Variants in TOP2B observed in about 807,000 individuals in gnomAD.
TOP2B encodes the protein DNA topoisomerase 2-beta.
Under a neutral mutation model 193.5 loss-of-function variants are expected in TOP2B, and 51 were observed. The ratio of observed to expected loss-of-function variants is 0.26; its 90% CI spans 0.21 to 0.33. The LOEUF (loss-of-function observed/expected upper bound fraction) is 0.33. Ranked by LOEUF, TOP2B falls within the 10% of genes least tolerant of loss-of-function variation. The pLI, the probability that TOP2B is intolerant of heterozygous loss-of-function variation, is 1.00. For missense variants in TOP2B, 1,378 were observed against 1,909.3 expected, an observed-to-expected ratio of 0.72 and a Z score of 5.19; for synonymous variants, 634 against 635.7, an observed-to-expected ratio of 1.00 and a Z score of 0.04.
chr3:25,632,159 C>A (rs1440947041), intron 10 of TOP2B, among the ~76,000 whole-genome samples: 1 of 151,990 alleles, frequency 6.6e-6, no homozygotes, highest in African/African-American at 2.4e-5. Context: ...GCATAAGGAT[C>A]TGGACATCTG....
Position 25,632,495 on chromosome 3 carries a change from G to A in TOP2B, c.1217C>T (p.Pro406Leu). 1 of 1,583,636 alleles carries A rather than the reference G, an allele frequency of 6.3e-7. No individual in the cohort carries two copies. The highest frequency in any genetic ancestry group is 8.6e-7 in the Non-Finnish European group (1 of 1,166,642). The change falls in exon 10 of 36, where the codon CCC becomes CTC. Residue 406 changes from proline to leucine, a missense_variant. This residue lies in a region of TOP2B where 222 missense variants were observed against 306.6 expected (regional missense o/e 0.72). Transcript: ENST00000264331. Reference protein sequence around the residue: ...SQTKENMTLQPKSFGSKCQLS... With the variant: ...SQTKENMTLQLKSFGSKCQLS... Reference sequence around the variant, plus strand: ...CTGGCATTTAGACCCAAAACTTTTGGGCTGCAGAGTCATGTTTTCCTTAGT... The same window carrying A: ...CTGGCATTTAGACCCAAAACTTTTGAGCTGCAGAGTCATGTTTTCCTTAGT...
intron 1 of TOP2B, among the ~76,000 whole-genome samples, chr3:25,656,738 A>C (rs1703756068): frequency 6.6e-6 from 1 of 152,188 alleles, no homozygotes; most frequent in South Asian, 2.1e-4. Context: ...ATAGGAAAAA[A>C]TGTGAAATAT....
At chr3:25,660,135 C>T (rs898444533) in intron 1 of TOP2B, among the ~76,000 whole-genome samples, 8 of 152,102 alleles carry the variant, frequency 5.3e-5, no homozygotes, top group African/African-American at 1.4e-4. Context: ...TTATTAAAAA[C>T]GTGCCTAAAT....
intron 1 of TOP2B, among the ~76,000 whole-genome samples, chr3:25,652,102 G>C (rs1046265433): frequency 4.6e-5 from 7 of 152,170 alleles, no homozygotes; most frequent in African/African-American, 1.7e-4. Flanking sequence ...AAGAGACAGA[G>C]TAGGACATTA....
At chr3:25,650,059 A>T (rs1171166199) in intron 1 of TOP2B, among the ~76,000 whole-genome samples, 2 of 152,202 alleles carry the variant, frequency 1.3e-5, no homozygotes, top group Admixed American at 6.5e-5. Flanking sequence ...AAGATTTAAG[A>T]TTAGTAAACA....
In TOP2B at chr3:25,598,020, AAAGCAGGTCTGT is replaced by A. The variant is rs1427088699; in HGVS notation, c.*275_*286del. On this transcript the variant is annotated 3_prime_UTR_variant, in exon 36 of 36. Coordinates refer to ENST00000264331, the MANE Select transcript of TOP2B (RefSeq NM_001330700.2). The stretch of plus-strand genomic sequence containing the variant: ...TTTTAATGTTTAAATTTCATTTCAA[AAAGCAGGTCTGT>A]AGTTTGTAACCATGACAATTAAAAT... The A allele has an allele frequency of 9.5e-6, 2 of 209,780 alleles. No homozygotes were observed. The highest frequency in any genetic ancestry group is 1.9e-5 in the Non-Finnish European group (2 of 106,320). 13.0% of individuals were successfully genotyped at this position (209,780 alleles called of 1,614,324 possible). A position where few individuals can be genotyped will look rare whatever the true frequency, so the allele number is the denominator to read the frequency against.
At chr3:25,604,940 T>C in intron 32 of TOP2B, 70 bp from the exon 33 acceptor site, 1 of 1,099,732 alleles carries the variant, frequency 9.1e-7, no homozygotes, top group South Asian at 1.3e-5. Flanking sequence ...TTGACTCTTT[T>C]AACTGATGAC....
chr3:25,598,337 T>TCTTCTGCAAAATCAACATCATCA lies in TOP2B; in HGVS notation c.4850_4851insTGATGATGTTGATTTTGCAGAAG (p.Glu1617AspfsTer54). ...TAAACATTGCAAAATCAACATCATC[T>TCTTCTGCAAAATCAACATCATCA]TCTTCTTCATCAGACTCTGCAAAAT... On this transcript the variant is annotated frameshift_variant, in exon 36 of 36. Transcript: ENST00000264331. LOFTEE classifies it high-confidence loss of function. The TCTTCTGCAAAATCAACATCATCA allele has an allele frequency of 6.2e-7, 1 of 1,609,980 alleles. No homozygotes were observed. The highest frequency in any genetic ancestry group is 8.5e-7 in the Non-Finnish European group (1 of 1,178,040).
At position 25,607,273 on chromosome 3, in the gene TOP2B, G is replaced by A. The variant is rs1171171856; in HGVS notation, c.4196C>T (p.Ala1399Val). 1.3e-6 allele frequency: 2 copies of A among 1,579,292 alleles called. No homozygotes were observed. Among genetic ancestry groups the A allele is most frequent in the South Asian group, 1.2e-5 (1 of 86,932 alleles). The change falls in exon 31 of 36, where the codon GCA (alanine) becomes GTA (valine). Residue 1399 changes from alanine to valine, a missense_variant. Ala to Val is a moderately conservative substitution (Grantham distance 64, BLOSUM62 0). Around this residue, in one of 9 missense-constraint regions of TOP2B, gnomAD observed 556 missense variants for 584.2 expected, o/e 0.95. Coordinates refer to ENST00000264331, the MANE Select transcript of TOP2B (RefSeq NM_001330700.2). ...TTCCCCATCATTTGTTATGGGAGAT[G>A]CTTTAACTTTCAATTCCTCTAAATC... is the stretch of plus-strand genomic sequence containing the variant. ...NNDLEELKVK[A>V]SPITNDGEDE...
chr3:25,604,654 A>G (rs969409598), intron 33 of TOP2B, 106 bp downstream of exon 33: 3 of 932,324 alleles, frequency 3.2e-6, no homozygotes, highest in Non-Finnish European at 4.9e-6. Flanking sequence ...ATACTTCTTA[A>G]TTGTTTTATG....
At chr3:25,638,078 AC>A (rs1703153068) in intron 5 of TOP2B, 86 bp downstream of exon 5, 13 of 1,249,086 alleles carry the variant, frequency 1.0e-5, no homozygotes, top group Non-Finnish European at 1.1e-6. Flanking sequence ...ATTTTCTCAC[AC>A]CAAAACTGCA....
In TOP2B at chr3:25,626,618, C is replaced by T. The variant is rs1193955259; in HGVS notation, c.2166G>A (p.Lys722=). 2 of 1,537,494 alleles carry T rather than the reference C, an allele frequency of 1.3e-6. No individual in the cohort carries two copies. Among genetic ancestry groups the T allele is most frequent in the Non-Finnish European group, 1.7e-6 (2 of 1,144,726 alleles). ...CTGAGTTTGAGAAGAGAATCAATTC[C>T]TTGTTGATGAAATCATTATAAGTCA... ...KHLTYNDFIN[K]ELILFSNSDN... Residue 722 remains lysine, a synonymous_variant, in exon 18 of 36, where the codon AAG becomes AAA. Coordinates refer to ENST00000264331, the MANE Select transcript of TOP2B (RefSeq NM_001330700.2).
intron 8 of TOP2B, 48 bp from the exon 9 acceptor site, chr3:25,632,842 T>C (rs1196084907): frequency 6.8e-7 from 1 of 1,460,974 alleles, no homozygotes; most frequent in Non-Finnish European, 9.6e-7. Flanking sequence ...ATTGTTAAAG[T>C]AGCAAAATAC....
At chr3:25,615,385 T>C (rs766715008) in intron 26 of TOP2B, 46 bp downstream of exon 26, 2 of 1,537,898 alleles carry the variant, frequency 1.3e-6, no homozygotes, top group African/African-American at 1.4e-5. Flanking sequence ...AAGATACAGA[T>C]AACACTGAAA....
At chr3:25,642,674 T>C (rs1302028655) in intron 3 of TOP2B, among the ~76,000 whole-genome samples, 4 of 152,166 alleles carry the variant, frequency 2.6e-5, no homozygotes, top group African/African-American at 9.6e-5. Flanking sequence ...ACCTGCATTT[T>C]ACAACACCCA....
intron 23 of TOP2B, 39 bp from the exon 24 acceptor site, chr3:25,618,888 T>G: frequency 7.0e-7 from 1 of 1,425,450 alleles, no homozygotes; most frequent in Non-Finnish European, 9.4e-7. Flanking sequence ...CATATAGATC[T>G]GTACTGGTAT....
At chr3:25,639,576 G>C (rs1703202285) in intron 4 of TOP2B, among the ~76,000 whole-genome samples, 2 of 152,220 alleles carry the variant, frequency 1.3e-5, no homozygotes, top group South Asian at 4.1e-4. Flanking sequence ...AAAGTGCTGG[G>C]ATTACAGGCG....
chr3:25,622,202 A>C (rs552548208), intron 21 of TOP2B, among the ~76,000 whole-genome samples: 1 of 152,206 alleles, frequency 6.6e-6, no homozygotes, highest in Non-Finnish European at 1.5e-5. Context: ...GTAGGCACAT[A>C]AGAACCATGT....
rs1703160557 is a variant in TOP2B at position 25,638,314 on chromosome 3, T to TTAAAAA, written c.396-5_396-4insTTTTTA. ...AATGCTTATAATGTTAGATTCACTG[T>TTAAAAA]AAAAAAAAAAAAAAAAAAAAAAAAA... On this transcript the variant is annotated splice_polypyrimidine_tract_variant and splice_region_variant and intron_variant, in intron 4 of 35. Coordinates refer to ENST00000264331, the MANE Select transcript of TOP2B (RefSeq NM_001330700.2). The TTAAAAA allele has an allele frequency of 7.7e-6, 1 of 129,164 alleles. No homozygotes were observed. Among genetic ancestry groups the TTAAAAA allele is most frequent in the African/African-American group, 1.0e-4 (1 of 10,046 alleles). 8.0% of individuals were successfully genotyped at this position (129,164 alleles called of 1,614,324 possible).
Sources: gnomAD v4.1 joint callset for allele counts (sites outside exome capture counted in the v4.1 genomes callset) on GRCh38, gnomAD v4.1.1 for gene constraint, gnomAD v4.1.1 regional missense constraint, MANE v1.5 for transcripts, NCBI Gene and HGNC (gene_info 2026-07-23, HGNC 2026-07-21) for gene names.